ORC5: variants seen among roughly 807,000 people sequenced by gnomAD.
The protein encoded by ORC5 is origin recognition complex subunit 5, also known as protein phosphatase 1, regulatory subunit 117.
ORC5 carries 39 observed loss-of-function variants against 58.8 expected under a neutral mutation model. The ratio of observed to expected loss-of-function variants is 0.66; its 90% CI spans 0.51 to 0.87. ORC5 has a LOEUF of 0.87. Ranked by LOEUF, ORC5 falls within the 40% of genes least tolerant of loss-of-function variation. The pLI is 0.00. For synonymous variants in ORC5, 218 were observed against 177.6 expected (o/e 1.23, Z -1.81); for missense variants, 493 against 506.3 (o/e 0.97, Z 0.25).
chr7:104,159,407 G>A (rs1445086011), intron 12 of ORC5, among the ~76,000 whole-genome samples: 1 of 147,320 alleles, frequency 6.8e-6, no homozygotes, highest in Non-Finnish European at 1.5e-5. Context: ...CAGCACACCA[G>A]CATGGCACAT....
intron 5 of ORC5, among the ~76,000 whole-genome samples, chr7:104,193,032 G>A (rs1415932577): frequency 6.6e-6 from 1 of 151,958 alleles, no homozygotes; most frequent in African/African-American, 2.4e-5. Context: ...AAAAGATAGA[G>A]AAGAAAAGGT....
chr7:104,201,615 C>A (rs192391602), intron 2 of ORC5, among the ~76,000 whole-genome samples: 2,095 of 145,208 alleles, frequency 0.014, 26 homozygotes, highest in Middle Eastern at 0.054. Flanking sequence ...CATAGCGAGA[C>A]CCTGTCACTA....
In ORC5 at chr7:104,165,258, T is replaced by C; in HGVS notation, c.1015A>G (p.Asn339Asp). The change falls in exon 11 of 14, where the codon AAC becomes GAC. Residue 339 changes from asparagine (N) to aspartate (D), a missense_variant. Coordinates refer to ENST00000297431, the MANE Select transcript of ORC5 (RefSeq NM_002553.4). ...ACCTTTTCGTGTTTTTTTAGAAAGT[T>C]GGTTTTCTTGATTTTTCCATGATGC... ...LKHHGKIKKT[N>D]FLKKHEKTSN... The C allele has an allele frequency of 6.6e-7, 1 of 1,526,020 alleles. No homozygotes were observed. 94.5% of individuals were successfully genotyped at this position (1,526,020 alleles called of 1,614,324 possible).
intron 8 of ORC5, among the ~76,000 whole-genome samples, chr7:104,178,309 A>G (rs981546235): frequency 1.3e-5 from 2 of 152,128 alleles, no homozygotes; most frequent in Non-Finnish European, 2.9e-5. Context: ...TCATTTCTCT[A>G]ATGACCAGTG....
rs747799947 is a variant in ORC5 at position 104,188,320 on chromosome 7, A to C, written c.615T>G (p.Ala205=). 1.2e-6 allele frequency: 2 copies of C among 1,613,014 alleles called. No individual in the cohort carries two copies. Among genetic ancestry groups the C allele is most frequent in the Non-Finnish European group, 1.7e-6 (2 of 1,179,170 alleles). ...CTCCAAGAAGAATGTTAATGTAGGC[A>C]GCATAGAAATCAGCTGAATACTCTG... The part of the protein sequence containing the change: ...HPPEYSADFY[A]AYINILLGVF... The change falls in exon 6 of 14, where the codon GCT becomes GCG. Residue 205 remains alanine, a synonymous_variant. Transcript: ENST00000297431.
At chr7:104,181,670 T>TA (rs1213604612) in intron 8 of ORC5, among the ~76,000 whole-genome samples, 1 of 151,650 alleles carries the variant, frequency 6.6e-6, no homozygotes, top group Non-Finnish European at 1.5e-5. Flanking sequence ...TGGGCACCTG[T>TA]AGTCCTAGCT....
chr7:104,139,582 A>G (rs1167866559), intron 12 of ORC5, among the ~76,000 whole-genome samples: 1 of 152,112 alleles, frequency 6.6e-6, no homozygotes, highest in Non-Finnish European at 1.5e-5. Context: ...AAAATCCTAT[A>G]TTCAGTAAAT....
At position 104,164,449 on chromosome 7, in the gene ORC5, C is replaced by T. The variant is rs770243789; in HGVS notation, c.1038+786G>A. On this transcript the variant is annotated intron_variant, in intron 11 of 13. Transcript: ENST00000297431. ...ACAGATAAATAATAAAAATTCTAAA[C>T]GTTAACCATTTGTCTATTGTAGGAG... Among the ~76,000 whole-genome samples, 5 of 152,096 alleles carry T rather than the reference C, an allele frequency of 3.3e-5. No homozygotes were observed. In the South Asian group the frequency reaches 6.2e-4, roughly 19 times the overall value.
chr7:104,138,722 G>A lies in ORC5; in HGVS notation c.1150-1829C>T, dbSNP rs533065863. 6.6e-6 allele frequency among the ~76,000 whole-genome samples: 1 copy of A among 152,084 alleles called. No homozygotes were observed. On this transcript the variant is annotated intron_variant, in intron 12 of 13. Transcript: ENST00000297431. This position sits in a 1 kb window ranked among gnomAD's most constrained non-coding sequence, Gnocchi z 4.7. ...ACATGGGGTTTTGCCATGTTGTCCA[G>A]GCTGCTCTTGAGCTCCTGGGCTCAA...
At chr7:104,151,512 T>C (rs1253896637) in intron 12 of ORC5, among the ~76,000 whole-genome samples, 2 of 152,180 alleles carry the variant, frequency 1.3e-5, no homozygotes, top group Admixed American at 6.5e-5. Flanking sequence ...CTAGAAACTA[T>C]ATTATCTTTG....
At chr7:104,195,306 A>T in intron 4 of ORC5, 52 bp from the exon 5 acceptor site, 1 of 1,009,656 alleles carries the variant, frequency 9.9e-7, no homozygotes, top group Non-Finnish European at 1.4e-6. Flanking sequence ...TCTTAATCGG[A>T]GCAGTATTTC....
chr7:104,179,010 A>C (rs1371914831), intron 8 of ORC5, among the ~76,000 whole-genome samples: 1 of 152,210 alleles, frequency 6.6e-6, no homozygotes, highest in East Asian at 1.9e-4. Flanking sequence ...AGAAAACAGA[A>C]ACATGACAGA....
chr7:104,187,280 GT>G (rs1266020815), intron 6 of ORC5, among the ~76,000 whole-genome samples: 1 of 152,164 alleles, frequency 6.6e-6, no homozygotes, highest in African/African-American at 2.4e-5. Flanking sequence ...TGGAAAAACT[GT>G]TTTGTTTTTT....
At chr7:104,197,595 A>T (rs978968811) in intron 4 of ORC5, 130 bp downstream of exon 4, 7 of 587,504 alleles carry the variant, frequency 1.2e-5, no homozygotes, top group Middle Eastern at 4.4e-4. Context: ...AGCTTTACTG[A>T]TAAAAGAAAT....
At position 104,195,313 on chromosome 7, in the gene ORC5, T is replaced by C. The variant is rs1799774640; in HGVS notation, c.442-59A>G. ...TTTAAAAATCTTAATCGGAGCAGTA[T>C]TTCCATTTGGATTTTTCTTTCAAAT... On this transcript the variant is annotated intron_variant, in intron 4 of 13. Transcript: ENST00000297431. The C allele has an allele frequency of 7.4e-6, 7 of 943,104 alleles. No homozygotes were observed. In the Admixed American group the frequency reaches 2.0e-4, roughly 27 times the overall value. 58.4% of individuals were successfully genotyped at this position (943,104 alleles called of 1,614,324 possible).
At chr7:104,196,319 A>C (rs1252802726) in intron 4 of ORC5, among the ~76,000 whole-genome samples, 1 of 152,232 alleles carries the variant, frequency 6.6e-6, no homozygotes, top group Non-Finnish European at 1.5e-5. Flanking sequence ...GTATGCGAAA[A>C]CCCACAAATA....
chr7:104,137,018 G>T (rs1338516180), intron 12 of ORC5, 125 bp from the exon 13 acceptor site: 1 of 644,084 alleles, frequency 1.6e-6, no homozygotes, highest in Non-Finnish European at 2.7e-6. Flanking sequence ...CAAAGAAAAT[G>T]ACTACTTTGC....
chr7:104,148,309 G>A (rs2115798843), intron 12 of ORC5, among the ~76,000 whole-genome samples: 1 of 152,204 alleles, frequency 6.6e-6, no homozygotes, highest in East Asian at 1.9e-4. Context: ...CCCCAAACAA[G>A]GAGCTATAGA....
At chr7:104,157,138 G>C (rs1798939919) in intron 12 of ORC5, among the ~76,000 whole-genome samples, 2 of 151,932 alleles carry the variant, frequency 1.3e-5, no homozygotes. Context: ...AAGGTCACTG[G>C]GAGTCAATGG....
Sources: gnomAD v4.1 joint callset for allele counts (sites outside exome capture counted in the v4.1 genomes callset) on GRCh38, gnomAD v4.1.1 for gene constraint, Gnocchi (gnomAD v3.1) non-coding constraint, MANE v1.5 for transcripts, NCBI Gene and HGNC (gene_info 2026-07-23, HGNC 2026-07-21) for gene names.